Variants in NELL1 observed in about 807,000 individuals in gnomAD.
NELL1 encodes the protein protein kinase C-binding protein NELL1.
In NELL1, 76 loss-of-function variants were observed where a neutral mutation model predicts 107.4. The ratio of observed to expected loss-of-function variants is 0.71; its 90% confidence interval spans 0.59 to 0.86. NELL1 has a LOEUF of 0.86. NELL1 is among the 40% of genes least tolerant of loss of function. The pLI is 0.00. For synonymous variants in NELL1, 353 were observed against 341.2 expected (o/e 1.03, Z -0.38); for missense variants, 1,024 against 1,005.5 (o/e 1.02, Z -0.25).
chr11:21,264,826 T>C (rs1848605223), intron 14 of NELL1, among the ~76,000 whole-genome samples: 1 of 151,876 alleles, frequency 6.6e-6, no homozygotes, highest in African/African-American at 2.4e-5. Flanking sequence ...GACTCATGTA[T>C]CCTTTCATTA....
chr11:20,972,243 G>A (rs1225590210), intron 12 of NELL1, among the ~76,000 whole-genome samples: 1 of 152,166 alleles, frequency 6.6e-6, no homozygotes, highest in African/African-American at 2.4e-5. Flanking sequence ...TAAGGGGAAT[G>A]AAAAGATTTA....
intron 16 of NELL1, among the ~76,000 whole-genome samples, chr11:21,538,600 T>C (rs1257526256): frequency 1.3e-5 from 2 of 152,154 alleles, no homozygotes; most frequent in East Asian, 3.9e-4. Context: ...TTGCAGAAGA[T>C]GATAATGACA....
At chr11:21,447,200 C>T (rs567216132) in intron 15 of NELL1, among the ~76,000 whole-genome samples, 4 of 152,244 alleles carry the variant, frequency 2.6e-5, no homozygotes, top group South Asian at 2.1e-4. Flanking sequence ...AGGGAATGTC[C>T]GGAAATGTCA....
At chr11:20,804,448 C>T (rs549092542) in intron 3 of NELL1, among the ~76,000 whole-genome samples, 65 of 152,270 alleles carry the variant, frequency 4.3e-4, no homozygotes, top group African/African-American at 1.6e-3. Flanking sequence ...GTTGGCCAGG[C>T]TGGTCTTGAA....
chr11:21,357,333 T>C (rs760971815), intron 14 of NELL1, among the ~76,000 whole-genome samples: 1 of 152,210 alleles, frequency 6.6e-6, no homozygotes, highest in Non-Finnish European at 1.5e-5. Flanking sequence ...TTTTTTACTT[T>C]TTATTTATGG....
chr11:21,076,358 G>T (rs1325611302), intron 12 of NELL1, among the ~76,000 whole-genome samples: 2 of 152,234 alleles, frequency 1.3e-5, no homozygotes, highest in East Asian at 3.8e-4. Context: ...TTGGGACGTT[G>T]TTGGGATCTG....
At chr11:21,448,207 G>T (rs1270907716) in intron 15 of NELL1, among the ~76,000 whole-genome samples, 3 of 152,138 alleles carry the variant, frequency 2.0e-5, no homozygotes, top group Non-Finnish European at 4.4e-5. Flanking sequence ...GTGTTTTTTT[G>T]TGTGTGGGTA....
intron 3 of NELL1, among the ~76,000 whole-genome samples, chr11:20,826,108 G>A (rs1263016502): frequency 2.0e-5 from 3 of 151,262 alleles, no homozygotes; most frequent in African/African-American, 4.8e-5. Context: ...ATGATCATAA[G>A]TTTCCTGAGG....
At chr11:20,695,200 C>A (rs1359570115) in intron 2 of NELL1, among the ~76,000 whole-genome samples, 1 of 152,014 alleles carries the variant, frequency 6.6e-6, no homozygotes, top group Non-Finnish European at 1.5e-5. Context: ...TTGGCATAGT[C>A]TTCAGGGTTT....
At chr11:20,805,383 T>C (rs1009743456) in intron 3 of NELL1, among the ~76,000 whole-genome samples, 2 of 152,228 alleles carry the variant, frequency 1.3e-5, no homozygotes, top group Non-Finnish European at 2.9e-5. Flanking sequence ...CTTTCATCTT[T>C]CTTTTTTTCC....
chr11:21,241,591 A>G (rs914843132), intron 14 of NELL1, among the ~76,000 whole-genome samples: 1 of 152,112 alleles, frequency 6.6e-6, no homozygotes, highest in African/African-American at 2.4e-5. Context: ...ATATTTACAA[A>G]TAATGTACAA....
At chr11:21,282,662 C>T (rs751618602) in intron 14 of NELL1, among the ~76,000 whole-genome samples, 21 of 151,982 alleles carry the variant, frequency 1.4e-4, no homozygotes, top group Admixed American at 2.6e-4. Flanking sequence ...TCTAGCAATC[C>T]CACTGCTAGG....
chr11:20,855,407 G>A (rs543531667), intron 4 of NELL1, among the ~76,000 whole-genome samples: 3 of 152,232 alleles, frequency 2.0e-5, no homozygotes, highest in Non-Finnish European at 4.4e-5. Context: ...TACCTGAGGC[G>A]AGGAGTGGAT....
intron 14 of NELL1, among the ~76,000 whole-genome samples, chr11:21,354,826 G>A (rs931308474): frequency 6.6e-6 from 1 of 152,158 alleles, no homozygotes; most frequent in Non-Finnish European, 1.5e-5. Context: ...GCTTTTACCT[G>A]GGAGAGTTTG....
intron 14 of NELL1, among the ~76,000 whole-genome samples, chr11:21,244,078 C>A (rs1182325717): frequency 6.6e-6 from 1 of 152,070 alleles, no homozygotes; most frequent in Non-Finnish European, 1.5e-5. Flanking sequence ...TACAGCATAA[C>A]ATTTCCTGTC....
chr11:21,514,907 A>G (rs1252888826), intron 15 of NELL1, among the ~76,000 whole-genome samples: 1 of 152,288 alleles, frequency 6.6e-6, no homozygotes, highest in African/African-American at 2.4e-5. Context: ...TTGAGAAGCC[A>G]GGAGTTGGGT....
intron 2 of NELL1, among the ~76,000 whole-genome samples, chr11:20,729,051 A>T (rs907168423): frequency 6.6e-6 from 1 of 151,590 alleles, no homozygotes; most frequent in Non-Finnish European, 1.5e-5. Context: ...TAGGTATTTT[A>T]TTTTTTTTAT....
rs538736820 is a variant in NELL1 at position 21,439,915 on chromosome 11, A to G, written c.1645+68967A>G. Among the ~76,000 whole-genome samples, 3 of 152,252 alleles carry G rather than the reference A, an allele frequency of 2.0e-5. No homozygotes were observed. The South Asian group carries it at 6.2e-4, about 32-fold the overall frequency. On this transcript the variant is annotated intron_variant, in intron 15 of 19. Coordinates refer to ENST00000357134, the MANE Select transcript of NELL1 (RefSeq NM_006157.5). The stretch of plus-strand genomic sequence containing the variant: ...TGCCTCACTATCTACCAACTAATAA[A>G]ATATTTAGATCACAAAGCCAGACAT...
intron 13 of NELL1, among the ~76,000 whole-genome samples, chr11:21,154,937 T>C (rs890324296): frequency 1.3e-5 from 2 of 152,192 alleles, no homozygotes; most frequent in African/African-American, 4.8e-5. Context: ...GTATACAATT[T>C]ATAGGACTGG....
Sources: allele counts gnomAD v4.1 joint callset (sites outside exome capture counted in the v4.1 genomes callset), GRCh38; gene constraint gnomAD v4.1.1; transcripts MANE v1.5; gene names NCBI Gene and HGNC (gene_info 2026-07-23, HGNC 2026-07-21).